ABCG4: variants seen among roughly 807,000 people sequenced by gnomAD.
The protein encoded by ABCG4 is ATP binding cassette subfamily G member 4, also known as ATP-binding cassette sub-family G member 4.
In ABCG4, 35 loss-of-function variants were observed where a neutral mutation model predicts 64.6. That is an observed-to-expected ratio of 0.54 (90% CI 0.41 to 0.72). The LOEUF (loss-of-function observed/expected upper bound fraction) is 0.72, where lower values mean the gene tolerates loss of function less well. Among genes scored for constraint, ABCG4 ranks in the 30% least tolerant of loss-of-function variants. The probability of loss-of-function intolerance (pLI) is 0.00; values close to 1 mark genes in which losing one functional copy is unlikely to be tolerated. For synonymous variants in ABCG4, 326 were observed against 348.2 expected (o/e 0.94, Z 0.71); for missense variants, 610 against 846.3 (o/e 0.72, Z 3.46).
chr11:119,161,574 G>A lies in ABCG4; in HGVS notation c.*468G>A. On this transcript the variant is annotated 3_prime_UTR_variant, in exon 15 of 15. Coordinates refer to ENST00000619701, the MANE Select transcript of ABCG4 (RefSeq NM_022169.5). Reference sequence around the variant, plus strand: ...GGGCTGGGCCCTGGTGGAGTCCACTGGAAGTCCCATTATGGATGTTGAAAT... The same window carrying A: ...GGGCTGGGCCCTGGTGGAGTCCACTAGAAGTCCCATTATGGATGTTGAAAT... 1 of 159,532 alleles carries A rather than the reference G, an allele frequency of 6.3e-6. No individual in the cohort carries two copies. Among genetic ancestry groups the A allele is most frequent in the Non-Finnish European group, 1.4e-5 (1 of 71,998 alleles). The allele number at this position is 159,532 out of a possible 1,614,324, so 9.9% of individuals were successfully genotyped here.
chr11:119,150,485 T>A lies in ABCG4; in HGVS notation c.238+282T>A, dbSNP rs539363222. Among the ~76,000 whole-genome samples the A allele has an allele frequency of 4.8e-4, 73 of 152,314 alleles. 1 individual carries two copies. The South Asian group carries it at 0.015, about 32-fold the overall frequency. On this transcript the variant is annotated intron_variant, in intron 2 of 14. Transcript: ENST00000619701. The surrounding 1 kb of genome is among the most constrained non-coding windows in gnomAD (Gnocchi z 4.3). ...CCTCTGGTCCTTGAGTGGTCCTTGA[T>A]GAGTTTTCCTTCTTTTGTTTATGGA...
rs935531399 is a variant in ABCG4 at position 119,150,013 on chromosome 11, G to A, written c.48G>A (p.Gly16=). The change falls in exon 2 of 15, where the codon GGG becomes GGA. Residue 16 remains glycine, a synonymous_variant. Transcript: ENST00000619701. This position sits in a 1 kb window ranked among gnomAD's most constrained non-coding sequence, Gnocchi z 4.3. ...CCGTGGGCTGTGGACTAGGGCCGGG[G>A]GCTGTGGCCATGGCCGTGACGCTGG... The part of the protein sequence containing the change: ...LEAVGCGLGP[G]AVAMAVTLED... 1.2e-5 allele frequency: 20 copies of A among 1,612,352 alleles called. No individual in the cohort carries two copies. The highest frequency in any genetic ancestry group is 1.6e-5 in the Non-Finnish European group (19 of 1,179,984).
chr11:119,155,391 G>A lies in ABCG4; in HGVS notation c.686+476G>A, dbSNP rs1253222949. On this transcript the variant is annotated intron_variant, in intron 6 of 14. Transcript: ENST00000619701. The surrounding 1 kb of genome is among the most constrained non-coding windows in gnomAD (Gnocchi z 4.5). ...GGCTGGAGTGCAGTGGCACAATCTC[G>A]GCTCACTGCAACCTCTGACTCCCGG... is the stretch of plus-strand genomic sequence containing the variant. Among the ~76,000 whole-genome samples the A allele has an allele frequency of 6.6e-6, 1 of 152,032 alleles. No individual in the cohort carries two copies. The highest frequency in any genetic ancestry group is 1.9e-4 in the East Asian group (1 of 5,188).
Position 119,149,991 on chromosome 11 carries a change from T to C in ABCG4, c.26T>C (p.Val9Ala). The C allele has an allele frequency of 6.2e-7, 1 of 1,609,398 alleles. No homozygotes were observed. The highest frequency in any genetic ancestry group is 8.5e-7 in the Non-Finnish European group (1 of 1,179,782). Residue 9 changes from valine (V) to alanine (A), a missense_variant, in exon 2 of 15, where the codon GTG (valine) becomes GCG (alanine). By Grantham distance (64) the Val-to-Ala change is moderately conservative (BLOSUM62 0). Coordinates refer to ENST00000619701, the MANE Select transcript of ABCG4 (RefSeq NM_022169.5). This position sits in a 1 kb window ranked among gnomAD's most constrained non-coding sequence, Gnocchi z 8.3. MAEKALEA[V>A]GCGLGPGAVA... ...ATGGCGGAGAAGGCGCTGGAGGCCG[T>C]GGGCTGTGGACTAGGGCCGGGGGCT...
Position 119,153,661 on chromosome 11 carries a change from G to A in ABCG4, c.239-365G>A, listed in dbSNP as rs540397370. The stretch of plus-strand genomic sequence containing the variant: ...AGGGGATAGGCAGCCAGCTCGGGCT[G>A]TAGTAGTGGGAGTTTTCCTGGAGGG... On this transcript the variant is annotated intron_variant, in intron 2 of 14. Transcript: ENST00000619701. The A allele has an allele frequency of 7.5e-4, 162 of 215,822 alleles. 4 individuals are homozygous for A. In the South Asian group the frequency reaches 0.015, roughly 20 times the overall value. The allele number at this position is 215,822 out of a possible 1,614,324, so 13.4% of individuals were successfully genotyped here.
At position 119,158,586 on chromosome 11, in the gene ABCG4, C is replaced by T. The variant is rs1346969331; in HGVS notation, c.1197C>T (p.His399=). 4 of 1,614,206 alleles carry T rather than the reference C, an allele frequency of 2.5e-6. No homozygotes were observed. The highest frequency in any genetic ancestry group is 3.4e-6 in the Non-Finnish European group (4 of 1,180,024). ...TVLTHLRFMS[H]VVIGVLIGLL... is the part of the protein sequence containing the mutation. ...TGACCCACCTACGGTTCATGTCCCACGTGGTTATTGGCGTGCTCATCGGCC... is the reference window on the plus strand; with the variant it reads ...TGACCCACCTACGGTTCATGTCCCATGTGGTTATTGGCGTGCTCATCGGCC... The change falls in exon 11 of 15, where the codon CAC becomes CAT. Residue 399 remains histidine (H), a synonymous_variant. Transcript: ENST00000619701. This position sits in a 1 kb window ranked among gnomAD's most constrained non-coding sequence, Gnocchi z 4.5.
chr11:119,156,339 A>G lies in ABCG4; in HGVS notation c.697A>G (p.Ser233Gly), dbSNP rs1444271674. Residue 233 changes from serine (S) to glycine (G), a missense_variant, in exon 7 of 15, where the codon AGC becomes GGC. Transcript: ENST00000619701. The surrounding 1 kb of genome is among the most constrained non-coding windows in gnomAD (Gnocchi z 5.5). ...FFDEPTSGLD[S>G]ASCFQVVSLM... is the part of the protein sequence containing the mutation. ...CCTCTCTCTGGACAGTGGTCTGGAT[A>G]GCGCCTCTTGTTTCCAAGTGGTGTC... 1 of 1,614,132 alleles carries G rather than the reference A, an allele frequency of 6.2e-7. No homozygotes were observed. Among genetic ancestry groups the G allele is most frequent in the East Asian group, 2.2e-5 (1 of 44,882 alleles).
Position 119,157,017 on chromosome 11 carries a change from G to A in ABCG4, c.1068+3G>A, listed in dbSNP as rs200582922. On this transcript the variant is annotated splice_donor_region_variant and intron_variant, in intron 9 of 14. Coordinates refer to ENST00000619701, the MANE Select transcript of ABCG4 (RefSeq NM_022169.5). ...CCCCATGCCCTCCTTGTCCTCCGGTGAGTAGGGGTGGAGAGGGCAGAGCAG... is the reference window on the plus strand; with the variant it reads ...CCCCATGCCCTCCTTGTCCTCCGGTAAGTAGGGGTGGAGAGGGCAGAGCAG... 3.4e-5 allele frequency: 54 copies of A among 1,602,184 alleles called. No homozygotes were observed. In the Admixed American group the frequency reaches 8.6e-4, roughly 25 times the overall value.
chr11:119,152,815 C>T (rs991366777), intron 2 of ABCG4: 5 of 152,246 alleles, frequency 3.3e-5, no homozygotes, highest in African/African-American at 1.2e-4. Flanking sequence ...CAAACGCCAC[C>T]TCTTCCATGA....
At chr11:119,157,824 C>A (rs931395737) in intron 9 of ABCG4, among the ~76,000 whole-genome samples, 22 of 152,144 alleles carry the variant, frequency 1.4e-4, no homozygotes, top group Non-Finnish European at 2.5e-4. Context: ...TGAGATTGCG[C>A]CACTGCACTC....
At position 119,158,252 on chromosome 11, in the gene ABCG4, A is replaced by G; in HGVS notation, c.1087A>G (p.Ser363Gly). ...TTCCCAGGAAGTGGATCCCATTGAA[A>G]GCCACACCTTTGCCACCAGCACCCT... ...PCPPEVDPIE[S>G]HTFATSTLTQ... is the part of the protein sequence containing the mutation. The change falls in exon 10 of 15, where the codon AGC (serine) becomes GGC (glycine). Residue 363 changes from serine (S) to glycine (G), a missense_variant. Physicochemically the swap from Ser to Gly is moderately conservative, Grantham distance 56. Transcript: ENST00000619701. This position sits in a 1 kb window ranked among gnomAD's most constrained non-coding sequence, Gnocchi z 4.5. 1 of 1,595,384 alleles carries G rather than the reference A, an allele frequency of 6.3e-7. No individual in the cohort carries two copies. Among genetic ancestry groups the G allele is most frequent in the Non-Finnish European group, 8.6e-7 (1 of 1,166,202 alleles).
chr11:119,159,983 T>A (rs1364265106), intron 12 of ABCG4, among the ~76,000 whole-genome samples: 1 of 150,748 alleles, frequency 6.6e-6, no homozygotes, highest in Non-Finnish European at 1.5e-5. Flanking sequence ...AAGGGAAGAG[T>A]CACCGTGCCT....
At chr11:119,157,820 T>C (rs1164394489) in intron 9 of ABCG4, among the ~76,000 whole-genome samples, 1 of 152,068 alleles carries the variant, frequency 6.6e-6, no homozygotes, top group Admixed American at 6.5e-5. Context: ...GAGCTGAGAT[T>C]GCGCCACTGC....
chr11:119,156,668 G>A lies in ABCG4; in HGVS notation c.915G>A (p.Pro305=), dbSNP rs201199426. The A allele has an allele frequency of 2.9e-5, 47 of 1,613,960 alleles. No homozygotes were observed. Among genetic ancestry groups the A allele is most frequent in the Non-Finnish European group, 3.6e-5 (42 of 1,180,010 alleles). The change falls in exon 8 of 15, where the codon CCG becomes CCA. Residue 305 remains proline (P), a synonymous_variant. Coordinates refer to ENST00000619701, the MANE Select transcript of ABCG4 (RefSeq NM_022169.5). The surrounding 1 kb of genome is among the most constrained non-coding windows in gnomAD (Gnocchi z 5.5). ...LGLHCPTYHN[P]ADFIIEVASG... ...TGCATTGCCCCACCTACCACAACCC[G>A]GCTGACTTCAGTGAGTGGGGGTCTG...
In ABCG4 at chr11:119,160,748, C is replaced by T. The variant is rs1948338132; in HGVS notation, c.1715+92C>T. Reference sequence around the variant, plus strand: ...TGGGTTGTGCCAAGTCTGCTGCCTGCCCCATTATCCTTTGGGCAGGGGCAC... The same window carrying T: ...TGGGTTGTGCCAAGTCTGCTGCCTGTCCCATTATCCTTTGGGCAGGGGCAC... On this transcript the variant is annotated intron_variant, in intron 14 of 14. Transcript: ENST00000619701. This position sits in a 1 kb window ranked among gnomAD's most constrained non-coding sequence, Gnocchi z 4.6. The T allele has an allele frequency of 2.7e-6, 4 of 1,485,918 alleles. No homozygotes were observed. Among genetic ancestry groups the T allele is most frequent in the Admixed American group, 1.7e-5 (1 of 58,244 alleles). 92.0% of individuals were successfully genotyped at this position (1,485,918 alleles called of 1,614,324 possible).
chr11:119,153,041 T>C (rs1468976543), intron 2 of ABCG4: 2 of 152,294 alleles, frequency 1.3e-5, no homozygotes, highest in African/African-American at 4.8e-5. Context: ...GCTTGGTATA[T>C]AGTAGATATC....
At chr11:119,152,717 A>G (rs1667937486) in intron 2 of ABCG4, among the ~76,000 whole-genome samples, 3 of 152,200 alleles carry the variant, frequency 2.0e-5, no homozygotes, top group East Asian at 1.9e-4. Flanking sequence ...ACATACTTTT[A>G]TATCACAGAG....
chr11:119,153,958 C>T (rs1423941033), intron 2 of ABCG4, 68 bp from the exon 3 acceptor site: 8 of 1,352,676 alleles, frequency 5.9e-6, no homozygotes, highest in South Asian at 5.9e-5. Flanking sequence ...CATGGCTGCT[C>T]CTAAGAATTT....
chr11:119,152,365 C>T (rs1441868320), intron 2 of ABCG4, among the ~76,000 whole-genome samples: 1 of 152,226 alleles, frequency 6.6e-6, no homozygotes, highest in Non-Finnish European at 1.5e-5. Context: ...GCAGGAGCTG[C>T]TCCCCCTTCT....
Sources: allele counts gnomAD v4.1 joint callset (sites outside exome capture counted in the v4.1 genomes callset), GRCh38; gene constraint gnomAD v4.1.1; non-coding constraint Gnocchi (gnomAD v3.1); transcripts MANE v1.5; gene names NCBI Gene and HGNC (gene_info 2026-07-23, HGNC 2026-07-21).